FRMD4B: variants seen among roughly 807,000 people sequenced by gnomAD.
FRMD4B encodes the protein FERM domain containing 4B.
In FRMD4B, 74 loss-of-function variants were observed where a neutral mutation model predicts 141.5. The ratio of observed to expected loss-of-function variants is 0.52; its 90% confidence interval spans 0.43 to 0.63. FRMD4B has a LOEUF of 0.63. FRMD4B is among the 30% of genes least tolerant of loss of function. The pLI is 0.00. For missense variants in FRMD4B, 1,366 were observed against 1,253.4 expected (o/e 1.09, Z -1.36); for synonymous variants, 506 against 467.9 (o/e 1.08, Z -1.05).
At position 69,247,815 on chromosome 3, in the gene FRMD4B, AT is replaced by A. The variant is rs373721863; in HGVS notation, c.581+1410del. 2.0e-5 allele frequency among the ~76,000 whole-genome samples: 3 copies of A among 152,052 alleles called. No individual in the cohort carries two copies. In the East Asian group the frequency reaches 5.8e-4, roughly 29 times the overall value. ...AGGCACCCGCCACCGCACCCAGCTA[AT>A]TTTTTTGTATTTTTAATAGAGACAG... On this transcript the variant is annotated intron_variant, in intron 7 of 22. Transcript: ENST00000398540.
At chr3:69,240,738 TAAG>T (rs2106702160) in intron 7 of FRMD4B, among the ~76,000 whole-genome samples, 1 of 152,316 alleles carries the variant, frequency 6.6e-6, no homozygotes, top group South Asian at 2.1e-4. Context: ...TGAACACAGA[TAAG>T]AAGACTGTAT....
chr3:69,334,779 CA>C (rs2107347053), intron 1 of FRMD4B, among the ~76,000 whole-genome samples: 1 of 152,330 alleles, frequency 6.6e-6, no homozygotes, highest in African/African-American at 2.4e-5. Flanking sequence ...AAATATTCAT[CA>C]AGCTCTTATT....
At chr3:69,366,546 T>C (rs72940786) in intron 1 of FRMD4B, among the ~76,000 whole-genome samples, 8,089 of 142,830 alleles carry the variant, frequency 0.057, 753 homozygotes, top group African/African-American at 0.2. Context: ...TGATATGATA[T>C]GTATGTCACT....
intron 1 of FRMD4B, among the ~76,000 whole-genome samples, chr3:69,385,252 C>G (rs1036631353): frequency 2.6e-5 from 4 of 152,040 alleles, no homozygotes; most frequent in African/African-American, 7.2e-5. Context: ...GGCCACCCCT[C>G]CCTTCCCCAG....
At chr3:69,400,539 T>G (rs975604228) in intron 2 of FRMD4B, among the ~76,000 whole-genome samples, 1 of 152,116 alleles carries the variant, frequency 6.6e-6, no homozygotes, top group Admixed American at 6.5e-5. Context: ...AACTAACTAC[T>G]GGATGAAAAA....
At chr3:69,540,007 A>T (rs749164674) in intron 1 of FRMD4B, among the ~76,000 whole-genome samples, 1 of 151,988 alleles carries the variant, frequency 6.6e-6, no homozygotes, top group Non-Finnish European at 1.5e-5. Context: ...AGCCCGACCA[A>T]CATGGTGAAA....
chr3:69,176,407 C>T (rs1163193084), intron 22 of FRMD4B, 117 bp downstream of exon 22: 2 of 786,298 alleles, frequency 2.5e-6, no homozygotes, highest in South Asian at 1.8e-5. Flanking sequence ...TGGAGTTGGC[C>T]CACAGGCTAG....
At chr3:69,235,919 G>C (rs2093342913) in intron 7 of FRMD4B, among the ~76,000 whole-genome samples, 1 of 152,166 alleles carries the variant, frequency 6.6e-6, no homozygotes, top group Non-Finnish European at 1.5e-5. Context: ...TAGGAAGAGG[G>C]GACAGGAAAT....
At chr3:69,234,777 A>T (rs1480276902) in intron 7 of FRMD4B, among the ~76,000 whole-genome samples, 5 of 152,194 alleles carry the variant, frequency 3.3e-5, no homozygotes, top group African/African-American at 1.2e-4. Context: ...CTGGATCAGA[A>T]AGGCTGAGGG....
chr3:69,414,165 A>G (rs1281910690), intron 2 of FRMD4B, among the ~76,000 whole-genome samples: 12 of 152,104 alleles, frequency 7.9e-5, no homozygotes, highest in Admixed American at 7.9e-4. Context: ...AAGTGGTTGC[A>G]GGTAACAGAT....
At chr3:69,260,442 G>A (rs1159365757) in intron 5 of FRMD4B, among the ~76,000 whole-genome samples, 1 of 152,228 alleles carries the variant, frequency 6.6e-6, no homozygotes, top group Non-Finnish European at 1.5e-5. Flanking sequence ...AGGGTGCACC[G>A]GGTCCCCCAG....
chr3:69,542,130 G>C (rs1209742407), intron 1 of FRMD4B: 2 of 151,880 alleles, frequency 1.3e-5, no homozygotes, highest in African/African-American at 2.4e-5. Flanking sequence ...GGGGCGCACC[G>C]GGCGCGCCCG....
intron 1 of FRMD4B, among the ~76,000 whole-genome samples, chr3:69,527,375 C>T (rs988211215): frequency 3.9e-5 from 6 of 152,150 alleles, no homozygotes; most frequent in African/African-American, 1.4e-4. Context: ...CCTGCTGCTT[C>T]TTGGTGAGTG....
At chr3:69,475,968 A>G (rs1381361182) in intron 1 of FRMD4B, among the ~76,000 whole-genome samples, 4 of 151,308 alleles carry the variant, frequency 2.6e-5, no homozygotes, top group African/African-American at 9.8e-5. Context: ...GATGATGAGC[A>G]TTTTTTCATA....
At chr3:69,196,157 A>G in intron 14 of FRMD4B, 98 bp downstream of exon 14, 1 of 961,848 alleles carries the variant, frequency 1.0e-6, no homozygotes, top group Admixed American at 2.8e-5. Context: ...ATTTATTCCC[A>G]AAATAATGGA....
chr3:69,305,755 G>A (rs4855386), intron 3 of FRMD4B, among the ~76,000 whole-genome samples: 43,139 of 152,046 alleles, frequency 0.28, 6,710 homozygotes, highest in Admixed American at 0.35. Flanking sequence ...CCCTGTCTCT[G>A]AAAATAAATT....
upstream of FRMD4B, among the ~76,000 whole-genome samples, chr3:69,388,284 C>T (rs1212121220): frequency 6.6e-6 from 1 of 152,146 alleles, no homozygotes; most frequent in Admixed American, 6.5e-5. Flanking sequence ...CAAATTCCAT[C>T]ATTTTCATTC....
intron 1 of FRMD4B, among the ~76,000 whole-genome samples, chr3:69,504,582 T>G (rs1706564203): frequency 1.3e-5 from 2 of 152,230 alleles, no homozygotes; most frequent in Admixed American, 6.5e-5. Flanking sequence ...TGGTCTTTTG[T>G]GTCTGGCCTC....
At chr3:69,490,800 A>T (rs1259204839) in intron 1 of FRMD4B, among the ~76,000 whole-genome samples, 1 of 152,140 alleles carries the variant, frequency 6.6e-6, no homozygotes, top group Non-Finnish European at 1.5e-5. Context: ...GGCCTATAAT[A>T]AGAGACGTTG....
Sources: allele counts gnomAD v4.1 joint callset (sites outside exome capture counted in the v4.1 genomes callset), GRCh38; gene constraint gnomAD v4.1.1; transcripts MANE v1.5; gene names NCBI Gene and HGNC (gene_info 2026-07-23, HGNC 2026-07-21).